Variants in SCAPER observed in about 807,000 individuals in gnomAD.
The protein encoded by SCAPER is S-phase cyclin A associated protein in the ER.
Under a neutral mutation model 182.2 loss-of-function variants are expected in SCAPER, and 98 were observed. That is an observed-to-expected ratio of 0.54 (90% CI 0.46 to 0.64). The LOEUF (loss-of-function observed/expected upper bound fraction) is 0.64. Among genes scored for constraint, SCAPER ranks in the 30% least tolerant of loss-of-function variants. The probability of loss-of-function intolerance (pLI) is 0.00; values close to 1 mark genes in which losing one functional copy is unlikely to be tolerated. For synonymous variants in SCAPER, 605 were observed against 564.6 expected, an observed-to-expected ratio of 1.07 and a Z score of -1.01; for missense variants, 1,432 against 1,690.0, an observed-to-expected ratio of 0.85 and a Z score of 2.68.
At chr15:76,424,190 A>T (rs538595924) in intron 26 of SCAPER, among the ~76,000 whole-genome samples, 1 of 152,176 alleles carries the variant, frequency 6.6e-6, no homozygotes, top group East Asian at 1.9e-4. Context: ...ACTTTGTCTC[A>T]TTGATCTGTC....
chr15:76,625,590 G>C (rs2052498267), intron 21 of SCAPER, among the ~76,000 whole-genome samples: 1 of 152,172 alleles, frequency 6.6e-6, no homozygotes, highest in African/African-American at 2.4e-5. Context: ...CCCCTGGGCA[G>C]AATGTAGCTC....
intron 26 of SCAPER, among the ~76,000 whole-genome samples, chr15:76,415,298 T>C (rs961906265): frequency 2.0e-5 from 3 of 152,198 alleles, no homozygotes; most frequent in East Asian, 1.9e-4. Flanking sequence ...TCAGCAAACA[T>C]TTAACAGTAT....
At chr15:76,811,407 A>G (rs1239702300) in intron 5 of SCAPER, among the ~76,000 whole-genome samples, 1 of 152,254 alleles carries the variant, frequency 6.6e-6, no homozygotes, top group African/African-American at 2.4e-5. Flanking sequence ...CCAATGGGGC[A>G]AAGAAGAAAC....
intron 14 of SCAPER, among the ~76,000 whole-genome samples, chr15:76,755,120 A>T (rs933971815): frequency 6.6e-6 from 1 of 152,214 alleles, no homozygotes; most frequent in African/African-American, 2.4e-5. Flanking sequence ...ATTTAGATAA[A>T]AGAAAATACA....
At chr15:76,721,406 C>T (rs1448227415) in intron 17 of SCAPER, among the ~76,000 whole-genome samples, 3 of 151,608 alleles carry the variant, frequency 2.0e-5, no homozygotes, top group Non-Finnish European at 4.4e-5. Flanking sequence ...CTTGGCGATG[C>T]GGGCTCTTTT....
rs367678608 is a variant in SCAPER, at chr15:76,449,924, GAT to G, written c.3079-15616_3079-15615del. ...CTATTCTATTAGACCAGAAGTTGGCGATTATTTTTTTCTGTCAAGGGCCAGAC... is the reference window on the plus strand; with the variant it reads ...CTATTCTATTAGACCAGAAGTTGGCGTATTTTTTTCTGTCAAGGGCCAGAC... On this transcript the variant is annotated intron_variant, in intron 25 of 31. Coordinates refer to ENST00000563290, the MANE Select transcript of SCAPER (RefSeq NM_020843.4). 1.9e-3 allele frequency among the ~76,000 whole-genome samples: 282 copies of G among 152,176 alleles called. 2 individuals carry two copies. Among genetic ancestry groups the G allele is most frequent in the African/African-American group, 6.6e-3 (273 of 41,534 alleles).
chr15:76,683,112 G>A (rs2057827935), intron 20 of SCAPER, among the ~76,000 whole-genome samples: 1 of 152,038 alleles, frequency 6.6e-6, no homozygotes, highest in African/African-American at 2.4e-5. Flanking sequence ...ATCCATTGTG[G>A]AGATTCAGGA....
In SCAPER at chr15:76,431,454, C is replaced by T. The variant is rs143373860; in HGVS notation, c.3311+2624G>A. On this transcript the variant is annotated intron_variant, in intron 26 of 31. Transcript: ENST00000563290. ...CTCATGTCTCTTAGATATCTTCCTA[C>T]CTCTCCTATGCCAGATAAGGGGAAG... Among the ~76,000 whole-genome samples the T allele has an allele frequency of 1.5e-3, 221 of 151,928 alleles. 2 individuals are homozygous for T. Among genetic ancestry groups the T allele is most frequent in the African/African-American group, 4.9e-3 (201 of 41,416 alleles).
At chr15:76,694,338 C>CT (rs35785400) in intron 20 of SCAPER, among the ~76,000 whole-genome samples, 1,617 of 152,126 alleles carry the variant, frequency 0.011, 14 homozygotes, top group Non-Finnish European at 0.017. Flanking sequence ...AAATATTCTA[C>CT]TTTTTGATGT....
At position 76,722,226 on chromosome 15, in the gene SCAPER, C is replaced by T. The variant is rs1018023789; in HGVS notation, c.2165+6369G>A. Among the ~76,000 whole-genome samples, 14 of 151,236 alleles carry T rather than the reference C, an allele frequency of 9.3e-5. No homozygotes were observed. In the East Asian group the frequency reaches 9.7e-4, roughly 11 times the overall value. ...TTGGTTCTGTTTATATGCTGGATTA[C>T]GTTTATTGATTTGCGTATGTTGAAC... On this transcript the variant is annotated intron_variant, in intron 17 of 31. Transcript: ENST00000563290.
intron 23 of SCAPER, among the ~76,000 whole-genome samples, chr15:76,571,640 A>G (rs1016517790): frequency 6.6e-6 from 1 of 152,174 alleles, no homozygotes; most frequent in Non-Finnish European, 1.5e-5. Flanking sequence ...GTCTAAATTA[A>G]GCAAATAAAG....
intron 23 of SCAPER, among the ~76,000 whole-genome samples, chr15:76,540,315 T>C (rs1015558854): frequency 2.0e-5 from 3 of 151,972 alleles, no homozygotes; most frequent in Non-Finnish European, 2.9e-5. Context: ...GGCAGGAGAA[T>C]TGCTTGAGCC....
At chr15:76,392,746 C>G (rs917330295) in intron 27 of SCAPER, among the ~76,000 whole-genome samples, 1 of 152,180 alleles carries the variant, frequency 6.6e-6, no homozygotes, top group African/African-American at 2.4e-5. Flanking sequence ...ACTGAGAAAG[C>G]TGAAACTGAG....
intron 21 of SCAPER, among the ~76,000 whole-genome samples, chr15:76,661,015 GA>G (rs1360548282): frequency 2.0e-5 from 3 of 151,962 alleles, no homozygotes; most frequent in African/African-American, 7.2e-5. Context: ...AAACATTACT[GA>G]AATTTTATGA....
At chr15:76,566,906 TA>T (rs926027629) in intron 23 of SCAPER, among the ~76,000 whole-genome samples, 5 of 152,082 alleles carry the variant, frequency 3.3e-5, no homozygotes, top group Non-Finnish European at 7.4e-5. Flanking sequence ...ATAATAATTT[TA>T]ATTTGAACAC....
intron 17 of SCAPER, among the ~76,000 whole-genome samples, chr15:76,723,796 T>C (rs529775200): frequency 8.5e-5 from 13 of 152,324 alleles, no homozygotes; most frequent in African/African-American, 2.9e-4. Context: ...CCTTCATCCC[T>C]TTTTTGTGAG....
At chr15:76,520,575 A>G (rs1025014589) in intron 23 of SCAPER, among the ~76,000 whole-genome samples, 1 of 152,006 alleles carries the variant, frequency 6.6e-6, no homozygotes, top group Non-Finnish European at 1.5e-5. Context: ...AAAAATCACT[A>G]ACATTTGTTG....
intron 28 of SCAPER, chr15:76,380,437 C>A (rs1199039834): frequency 1.3e-5 from 2 of 151,750 alleles, no homozygotes; most frequent in East Asian, 3.9e-4. Context: ...CTTTTTTGAA[C>A]AAAATGACAG....
intron 23 of SCAPER, among the ~76,000 whole-genome samples, chr15:76,512,197 A>G (rs8041308): frequency 0.11 from 16,724 of 151,638 alleles, 1,303 homozygotes; most frequent in African/African-American, 0.21. Context: ...CCCATTATAC[A>G]TGGTTTTAAC....
Sources: allele counts gnomAD v4.1 joint callset (sites outside exome capture counted in the v4.1 genomes callset), GRCh38; gene constraint gnomAD v4.1.1; transcripts MANE v1.5; gene names NCBI Gene and HGNC (gene_info 2026-07-23, HGNC 2026-07-21).